Variants in SCHIP1 observed in about 807,000 individuals in gnomAD.
SCHIP1 encodes schwannomin interacting protein 1, also known as schwannomin-interacting protein 1.
In SCHIP1, 8 loss-of-function variants were observed where a neutral mutation model predicts 29.7. That is an observed-to-expected ratio of 0.27 (90% confidence interval 0.16 to 0.49). SCHIP1 has a LOEUF of 0.49. Ranked by LOEUF, SCHIP1 falls within the 20% of genes least tolerant of loss-of-function variation. The pLI is 0.99. For missense variants in SCHIP1, 193 were observed against 294.6 expected (o/e 0.66, Z 2.52); for synonymous variants, 76 against 94.9 (o/e 0.80, Z 1.16).
At chr3:159,738,715 G>A in the SCHIP1 span, among the ~76,000 whole-genome samples, 1 of 152,086 alleles carries the variant, frequency 6.6e-6, no homozygotes, top group Non-Finnish European at 1.5e-5. Flanking sequence ...AGAGAGGAGA[G>A]AGAGAGACAA....
chr3:159,861,697 C>T lies in SCHIP1; in HGVS notation c.31-4466C>T, dbSNP rs1553796765. On this transcript the variant is annotated intron_variant, in intron 1 of 6. Transcript: ENST00000445224. This position sits in a 1 kb window ranked among gnomAD's most constrained non-coding sequence, Gnocchi z 4.1. ...TGCCTGATAGTGATGAGCCCTGTTC[C>T]TCAGTTGCCCTTTGTTTTTGCTAGC... 6.6e-6 allele frequency among the ~76,000 whole-genome samples: 1 copy of T among 152,150 alleles called. No homozygotes were observed. Among genetic ancestry groups the T allele is most frequent in the Non-Finnish European group, 1.5e-5 (1 of 68,034 alleles).
At chr3:159,677,800 A>G in the SCHIP1 span, among the ~76,000 whole-genome samples, 2 of 152,172 alleles carry the variant, frequency 1.3e-5, no homozygotes, top group Non-Finnish European at 2.9e-5. Context: ...TAATGAACAC[A>G]GAGAATTCTC....
chr3:159,665,991 CG>C, the SCHIP1 span, among the ~76,000 whole-genome samples: 1 of 152,270 alleles, frequency 6.6e-6, no homozygotes, highest in Admixed American at 6.5e-5. Flanking sequence ...GAAAAGCTCT[CG>C]TTATCGCCTA....
chr3:159,518,012 C>G, the SCHIP1 span, among the ~76,000 whole-genome samples: 1 of 151,774 alleles, frequency 6.6e-6, no homozygotes, highest in African/African-American at 2.4e-5. Context: ...ATGGAAATGG[C>G]AAAAAATATG....
At chr3:159,369,209 A>T in the SCHIP1 span, among the ~76,000 whole-genome samples, 7 of 152,210 alleles carry the variant, frequency 4.6e-5, no homozygotes, top group African/African-American at 1.7e-4. Context: ...CAACCTGTTA[A>T]CTATTCACAT....
chr3:159,887,328 C>A, intron 3 of SCHIP1: 1 of 186,802 alleles, frequency 5.4e-6, no homozygotes, highest in Non-Finnish European at 1.1e-5. Context: ...GAGTGCAGTG[C>A]GACATCAGAA....
At chr3:159,830,743 C>T in the SCHIP1 span, among the ~76,000 whole-genome samples, 1 of 152,298 alleles carries the variant, frequency 6.6e-6, no homozygotes, top group Admixed American at 6.5e-5. Context: ...GCAATAGTAG[C>T]CTGCAAGTAC....
the SCHIP1 span, among the ~76,000 whole-genome samples, chr3:159,626,248 C>A: frequency 0.11 from 7,397 of 64,530 alleles, 405 homozygotes; most frequent in East Asian, 0.25. Context: ...ATCTATCTAT[C>A]TATATAGATA....
At chr3:159,507,315 T>A in the SCHIP1 span, among the ~76,000 whole-genome samples, 1 of 152,176 alleles carries the variant, frequency 6.6e-6, no homozygotes, top group Non-Finnish European at 1.5e-5. Context: ...GCACATTGAT[T>A]TTGTATCCTG....
chr3:159,387,310 A>T, the SCHIP1 span: 1 of 305,776 alleles, frequency 3.3e-6, no homozygotes, highest in Non-Finnish European at 6.4e-6. Flanking sequence ...TGCCCCCAGG[A>T]AAAAGTCAAT....
chr3:159,735,438 C>A, the SCHIP1 span, among the ~76,000 whole-genome samples: 412 of 152,160 alleles, frequency 2.7e-3, 4 homozygotes, highest in Admixed American at 0.017. Flanking sequence ...CCATGTTGGC[C>A]AGTCTGGTCT....
At chr3:159,889,085 C>CT in intron 5 of SCHIP1, 142 bp downstream of exon 6, 1 of 1,203,622 alleles carries the variant, frequency 8.3e-7, no homozygotes. Context: ...TCACAAGGCT[C>CT]TTTTTTGTTG....
chr3:159,341,399 A>C, the SCHIP1 span, among the ~76,000 whole-genome samples: 43 of 152,250 alleles, frequency 2.8e-4, no homozygotes, highest in Non-Finnish European at 6.0e-4. Flanking sequence ...ACTCTTTCTC[A>C]GCTTTTCTTG....
chr3:159,448,400 G>C, the SCHIP1 span, among the ~76,000 whole-genome samples: 1 of 152,126 alleles, frequency 6.6e-6, no homozygotes, highest in African/African-American at 2.4e-5. Flanking sequence ...GAACCCGGGA[G>C]GTGGACGTTG....
the SCHIP1 span, among the ~76,000 whole-genome samples, chr3:159,562,008 T>C: frequency 1.3e-5 from 2 of 152,216 alleles, no homozygotes; most frequent in Non-Finnish European, 2.9e-5. Context: ...TCAAATACCC[T>C]TGAACTAAGC....
At chr3:159,428,661 A>G in the SCHIP1 span, among the ~76,000 whole-genome samples, 4 of 151,218 alleles carry the variant, frequency 2.6e-5, no homozygotes, top group Admixed American at 1.3e-4. Context: ...ATCTAGAACT[A>G]GAAATACCAT....
the SCHIP1 span, among the ~76,000 whole-genome samples, chr3:159,331,865 G>C: frequency 1.3e-5 from 2 of 152,070 alleles, no homozygotes; most frequent in Non-Finnish European, 2.9e-5. Context: ...GATAGCACAG[G>C]GTACTGCATG....
the SCHIP1 span, among the ~76,000 whole-genome samples, chr3:159,340,105 TGACA>T: frequency 6.6e-5 from 10 of 152,110 alleles, no homozygotes; most frequent in African/African-American, 1.7e-4. Context: ...TACTGTTTGA[TGACA>T]GACAATGACT....
chr3:159,834,982 C>G (rs6765276), upstream of SCHIP1, among the ~76,000 whole-genome samples: 12,253 of 152,086 alleles, frequency 0.081, 1,578 homozygotes, highest in African/African-American at 0.28. Flanking sequence ...TCTTTGGGTG[C>G]GGCATTCAAG....
Sources: gnomAD v4.1 joint callset for allele counts (sites outside exome capture counted in the v4.1 genomes callset) on GRCh38, gnomAD v4.1.1 for gene constraint, Gnocchi (gnomAD v3.1) non-coding constraint, MANE v1.5 for transcripts, NCBI Gene and HGNC (gene_info 2026-07-23, HGNC 2026-07-21) for gene names.